The following ANKRD22 variants were observed in gnomAD, a reference collection of about 807,000 sequenced individuals.
ANKRD22 encodes the protein ankyrin repeat domain 22.
ANKRD22 carries 24 observed loss-of-function variants against 25.7 expected under a neutral mutation model. The observed-to-expected ratio is 0.93, with a 90% CI of 0.68 to 1.31. The LOEUF (loss-of-function observed/expected upper bound fraction) is 1.31. ANKRD22 is among the 50% of genes most tolerant of loss of function. ANKRD22 has a pLI of 0.00. For missense variants in ANKRD22, 214 were observed against 227.1 expected (o/e 0.94, Z 0.37); for synonymous variants, 84 against 84.3 (o/e 1.00, Z 0.02).
intron 1 of ANKRD22, among the ~76,000 whole-genome samples, chr10:88,843,750 T>C (rs1320235209): frequency 6.6e-6 from 1 of 152,172 alleles, no homozygotes; most frequent in Non-Finnish European, 1.5e-5. Flanking sequence ...GGGAGAATTA[T>C]TTGTGTCTGG....
At chr10:88,826,333 A>C (rs1479753563) in intron 3 of ANKRD22, among the ~76,000 whole-genome samples, 1 of 152,226 alleles carries the variant, frequency 6.6e-6, no homozygotes, top group Non-Finnish European at 1.5e-5. Flanking sequence ...ACTGACACCT[A>C]AGAACCTTAG....
At chr10:88,836,705 G>A (rs141200517) in intron 1 of ANKRD22, among the ~76,000 whole-genome samples, 28 of 152,304 alleles carry the variant, frequency 1.8e-4, no homozygotes, top group African/African-American at 6.5e-4. Context: ...CTGTCCACTT[G>A]TGGCACTGAC....
chr10:88,825,011 T>TCACACACACACA (rs71022545), intron 4 of ANKRD22, among the ~76,000 whole-genome samples: 13 of 111,506 alleles, frequency 1.2e-4, no homozygotes, highest in East Asian at 2.7e-4. Context: ...TCTCTCTCTC[T>TCACACACACACA]CACACACACA....
Position 88,826,082 on chromosome 10 carries a change from G to T in ANKRD22, c.355C>A (p.Arg119=), listed in dbSNP as rs148418336. ...TCGACGCCAGCATCAAGTAGCATTC[G>T]TACAAGAGCCTCATTCTGCTTTGTC... The part of the protein sequence containing the change: ...SKTKQNEALV[R]MLLDAGVEVN... Residue 119 remains arginine (R), a synonymous_variant, in exon 4 of 6, where the codon CGA becomes AGA. Transcript: ENST00000371930. The T allele has an allele frequency of 3.4e-5, 55 of 1,612,780 alleles. 1 individual carries two copies. In the African/African-American group the frequency reaches 4.8e-4, roughly 14 times the overall value.
rs745717404 is a variant in ANKRD22, at chr10:88,823,310, T to C, written c.468A>G (p.Glu156=). The change falls in exon 5 of 6, where the codon GAA becomes GAG. Residue 156 remains glutamate (E), a synonymous_variant. Coordinates refer to ENST00000371930, the MANE Select transcript of ANKRD22 (RefSeq NM_144590.3). ...KNQSLIPLLL[E]ARADPTIKNK... ...TCTTTATTGTGGGGTCTGCACGGGC[T>C]TCCAAGAGCAGAGGGATAAGAGACT... 6.2e-7 allele frequency: 1 copy of C among 1,614,014 alleles called. No homozygotes were observed. The highest frequency in any genetic ancestry group is 1.1e-5 in the South Asian group (1 of 91,078).
In ANKRD22 at chr10:88,851,579, T is replaced by C; in HGVS notation, c.21+8A>G. Reference sequence around the variant, plus strand: ...CTTTGGAACTCTGCTTTCAGAAAGGTGATGTACCTCAGAGTATAGGATTCC... The same window carrying C: ...CTTTGGAACTCTGCTTTCAGAAAGGCGATGTACCTCAGAGTATAGGATTCC... On this transcript the variant is annotated splice_region_variant and intron_variant, in intron 1 of 5. Transcript: ENST00000371930. 6.2e-7 allele frequency: 1 copy of C among 1,613,304 alleles called. No individual in the cohort carries two copies. The highest frequency in any genetic ancestry group is 1.1e-5 in the South Asian group (1 of 91,056).
chr10:88,832,688 A>G (rs1843918712), intron 1 of ANKRD22, among the ~76,000 whole-genome samples: 1 of 152,164 alleles, frequency 6.6e-6, no homozygotes, highest in African/African-American at 2.4e-5. Flanking sequence ...TAGGCAAATA[A>G]TATACAAATT....
At chr10:88,838,225 G>A (rs536871187) in intron 1 of ANKRD22, among the ~76,000 whole-genome samples, 1 of 152,304 alleles carries the variant, frequency 6.6e-6, no homozygotes, top group South Asian at 2.1e-4. Context: ...GACTGAGCCT[G>A]CCATGTGAGT....
intron 1 of ANKRD22, among the ~76,000 whole-genome samples, chr10:88,846,319 C>T (rs1052760014): frequency 6.6e-6 from 1 of 152,130 alleles, no homozygotes; most frequent in East Asian, 1.9e-4. Flanking sequence ...AACACCCACA[C>T]CTATGTTCAC....
At chr10:88,838,789 G>A (rs1843978692) in intron 1 of ANKRD22, among the ~76,000 whole-genome samples, 1 of 152,162 alleles carries the variant, frequency 6.6e-6, no homozygotes, top group African/African-American at 2.4e-5. Context: ...AAACAACGGT[G>A]ACCAAGAAGT....
chr10:88,831,381 C>T (rs1412763610), intron 2 of ANKRD22, among the ~76,000 whole-genome samples: 2 of 152,178 alleles, frequency 1.3e-5, no homozygotes, highest in Non-Finnish European at 2.9e-5. Flanking sequence ...CTCAATAGTA[C>T]TCTTTCATTC....
chr10:88,846,026 G>T (rs1446978880), intron 1 of ANKRD22, among the ~76,000 whole-genome samples: 1 of 152,032 alleles, frequency 6.6e-6, no homozygotes, highest in African/African-American at 2.4e-5. Context: ...TTCACCATTG[G>T]TTAATAAATG....
At chr10:88,847,304 G>A (rs1844058183) in intron 1 of ANKRD22, among the ~76,000 whole-genome samples, 1 of 151,988 alleles carries the variant, frequency 6.6e-6, no homozygotes, top group Non-Finnish European at 1.5e-5. Flanking sequence ...TGTTGCCCAG[G>A]CTGGAGTGCA....
At chr10:88,849,380 A>T (rs973574529) in intron 1 of ANKRD22, among the ~76,000 whole-genome samples, 4 of 152,192 alleles carry the variant, frequency 2.6e-5, no homozygotes, top group Non-Finnish European at 5.9e-5. Context: ...GCAGAACACC[A>T]GAGTGGTTAA....
At chr10:88,847,297 T>G (rs1270074724) in intron 1 of ANKRD22, among the ~76,000 whole-genome samples, 1 of 152,110 alleles carries the variant, frequency 6.6e-6, no homozygotes, top group Non-Finnish European at 1.5e-5. Context: ...CTCACTCTGT[T>G]GCCCAGGCTG....
chr10:88,843,049 A>G (rs1284198542), intron 1 of ANKRD22, among the ~76,000 whole-genome samples: 2 of 152,032 alleles, frequency 1.3e-5, no homozygotes, highest in Admixed American at 1.3e-4. Flanking sequence ...AGAAATTACC[A>G]CTACTTCCCA....
At chr10:88,832,841 T>A (rs983425786) in intron 1 of ANKRD22, among the ~76,000 whole-genome samples, 1 of 152,180 alleles carries the variant, frequency 6.6e-6, no homozygotes. Flanking sequence ...CTTTCTCGAC[T>A]TCTGTTCTTC....
At chr10:88,847,646 C>T (rs1388338717) in intron 1 of ANKRD22, among the ~76,000 whole-genome samples, 1 of 130,666 alleles carries the variant, frequency 7.7e-6, no homozygotes, top group Non-Finnish European at 1.6e-5. Flanking sequence ...TATAAGTATA[C>T]ATAAATGCTT....
Position 88,820,299 on chromosome 10 carries a change from A to G in ANKRD22, c.*2642T>C. The G allele has an allele frequency of 6.4e-7, 1 of 1,552,098 alleles. No individual in the cohort carries two copies. The highest frequency in any genetic ancestry group is 8.7e-7 in the Non-Finnish European group (1 of 1,147,070). On this transcript the variant is annotated 3_prime_UTR_variant, in exon 6 of 6. Transcript: ENST00000371930. ...ACAGCAATGTGGACAGGAGGTCAGG[A>G]CTGGCTTTCAAATCCAGAAGACGTG...
Sources: gnomAD v4.1 joint callset for allele counts (sites outside exome capture counted in the v4.1 genomes callset) on GRCh38, gnomAD v4.1.1 for gene constraint, MANE v1.5 for transcripts, NCBI Gene and HGNC (gene_info 2026-07-23, HGNC 2026-07-21) for gene names.